POU3F3: variants seen among roughly 807,000 people sequenced by gnomAD.
The protein encoded by POU3F3 is POU domain, class 3, transcription factor 3.
A neutral mutation model predicts 8.6 loss-of-function variants in POU3F3; 1 was observed. The observed-to-expected ratio is 0.12, with a 90% CI of 0.04 to 0.55. POU3F3 has a LOEUF of 0.55. Ranked by LOEUF, POU3F3 falls within the 20% of genes least tolerant of loss-of-function variation. The pLI is 0.91. For synonymous variants in POU3F3, 418 were observed against 327.4 expected (o/e 1.28, Z -2.99); for missense variants, 577 against 690.7 (o/e 0.84, Z 1.84).
chr2:104,892,823 A>G, the POU3F3 span, among the ~76,000 whole-genome samples: 2 of 151,958 alleles, frequency 1.3e-5, no homozygotes, highest in African/African-American at 2.4e-5. Flanking sequence ...TCAGCCTCCC[A>G]AAGTGCTGGG....
chr2:104,891,056 A>G, the POU3F3 span, among the ~76,000 whole-genome samples: 1 of 152,034 alleles, frequency 6.6e-6, no homozygotes, highest in Non-Finnish European at 1.5e-5. Context: ...GAGGCTTCCT[A>G]TCTGTAAGCT....
At chr2:104,882,601 G>A in the POU3F3 span, among the ~76,000 whole-genome samples, 1 of 152,048 alleles carries the variant, frequency 6.6e-6, no homozygotes, top group Admixed American at 6.6e-5. Context: ...GTTCTATATA[G>A]AGTGGATATT....
At chr2:104,867,908 C>A in the POU3F3 span, 9 of 214,488 alleles carry the variant, frequency 4.2e-5, no homozygotes, top group East Asian at 9.2e-4. The surrounding 1 kb of genome is among the most constrained non-coding windows in gnomAD (Gnocchi z 5.0). Flanking sequence ...GCGCACTCCG[C>A]CCCCGCTGAG....
chr2:104,860,753 T>A (rs12991965), downstream of POU3F3, among the ~76,000 whole-genome samples: 2 of 22,318 alleles, frequency 9.0e-5, no homozygotes, highest in Non-Finnish European at 1.6e-4. Context: ...TTGCTCTGCC[T>A]TTTTTTTTTT....
the POU3F3 span, among the ~76,000 whole-genome samples, chr2:104,912,071 C>A: frequency 3.3e-5 from 5 of 152,158 alleles, no homozygotes; most frequent in African/African-American, 1.2e-4. Flanking sequence ...GCCCGGAGCC[C>A]CACAGGCCGT....
the POU3F3 span, among the ~76,000 whole-genome samples, chr2:104,922,438 G>C: frequency 8.2e-6 from 1 of 122,294 alleles, no homozygotes; most frequent in African/African-American, 3.0e-5. Flanking sequence ...AAAAAGTCAA[G>C]AAAATGATGT....
chr2:104,903,675 G>A, the POU3F3 span, among the ~76,000 whole-genome samples: 17 of 152,196 alleles, frequency 1.1e-4, no homozygotes, highest in African/African-American at 2.2e-4. Flanking sequence ...GCGCCTAAAC[G>A]TTGTCTGGTG....
At chr2:104,907,192 T>G in the POU3F3 span, among the ~76,000 whole-genome samples, 1 of 152,186 alleles carries the variant, frequency 6.6e-6, no homozygotes, top group African/African-American at 2.4e-5. Flanking sequence ...CTTCTCTGCC[T>G]TCCTCTGGCT....
chr2:104,885,242 A>G, the POU3F3 span, among the ~76,000 whole-genome samples: 2 of 152,236 alleles, frequency 1.3e-5, no homozygotes, highest in Non-Finnish European at 2.9e-5. Flanking sequence ...ATATGACTGA[A>G]GAAAGTCTGC....
chr2:104,921,449 A>G, the POU3F3 span, among the ~76,000 whole-genome samples: 1 of 152,338 alleles, frequency 6.6e-6, no homozygotes, highest in Admixed American at 6.5e-5. Context: ...AAGCTTGGAC[A>G]GTAAATTATG....
At position 104,856,317 on chromosome 2, in the gene POU3F3, GCACCAC is replaced by G. The variant is rs762283249; in HGVS notation, c.826_831del (p.His276_His277del). 1.1e-5 allele frequency: 17 copies of G among 1,503,022 alleles called. No homozygotes were observed. Among genetic ancestry groups the G allele is most frequent in the Admixed American group, 4.2e-5 (2 of 47,806 alleles). The allele number at this position is 1,503,022 out of a possible 1,614,324, so 93.1% of individuals were successfully genotyped here. A position where few individuals can be genotyped will look rare whatever the true frequency, so the allele number is the denominator to read the frequency against. On this transcript the variant is annotated inframe_deletion, in exon 1 of 1. Coordinates refer to ENST00000361360, the MANE Select transcript of POU3F3 (RefSeq NM_006236.3). ...GCGGGGACACGCCAGAGCTGGCCGA[GCACCAC>G]CACCACCACCACCACCACGCGCATC...
chr2:104,888,258 C>T, the POU3F3 span, among the ~76,000 whole-genome samples: 5 of 152,304 alleles, frequency 3.3e-5, no homozygotes, highest in East Asian at 3.9e-4. Flanking sequence ...AAAGGGTTAA[C>T]GTTTATTACG....
the POU3F3 span, among the ~76,000 whole-genome samples, chr2:104,899,867 G>A: frequency 6.6e-6 from 1 of 152,184 alleles, no homozygotes; most frequent in East Asian, 1.9e-4. Context: ...AAGGCTCATG[G>A]CATAAGACAG....
chr2:104,896,306 C>A, the POU3F3 span, among the ~76,000 whole-genome samples: 6 of 152,170 alleles, frequency 3.9e-5, no homozygotes, highest in Admixed American at 6.5e-5. Flanking sequence ...AATGATGGCC[C>A]CAGCCACCTG....
the POU3F3 span, among the ~76,000 whole-genome samples, chr2:104,910,337 A>G: frequency 1.0e-3 from 155 of 152,254 alleles, no homozygotes; most frequent in Non-Finnish European, 4.1e-4. Context: ...GACTCAGAAG[A>G]GCAATATATC....
chr2:104,888,189 T>C, the POU3F3 span, among the ~76,000 whole-genome samples: 236 of 152,368 alleles, frequency 1.5e-3, 1 homozygote, highest in East Asian at 0.043. Context: ...CCTTGTTCTG[T>C]GTGTGCGAAA....
chr2:104,922,555 G>C, the POU3F3 span, among the ~76,000 whole-genome samples: 1 of 152,104 alleles, frequency 6.6e-6, no homozygotes, highest in African/African-American at 2.4e-5. Context: ...AGGTAGATTT[G>C]AGCAGGCGGA....
chr2:104,882,796 AC>A, the POU3F3 span, among the ~76,000 whole-genome samples: 1 of 152,206 alleles, frequency 6.6e-6, no homozygotes, highest in East Asian at 1.9e-4. Flanking sequence ...AGAGTTATGT[AC>A]ACCTTCCCAC....
Position 104,857,117 on chromosome 2 carries a change from T to C in POU3F3, c.*104T>C, listed in dbSNP as rs548108972. ...CCGCCGCCGCCGCCGCCGCCGCCGCTGCCGCCGCCGCGCCGACCCTGCACC... is the reference window on the plus strand; with the variant it reads ...CCGCCGCCGCCGCCGCCGCCGCCGCCGCCGCCGCCGCGCCGACCCTGCACC... On this transcript the variant is annotated 3_prime_UTR_variant, in exon 1 of 1. Transcript: ENST00000361360. 8.7e-3 allele frequency: 8,248 copies of C among 952,152 alleles called. 28 individuals are homozygous for C. Among genetic ancestry groups the C allele is most frequent in the Non-Finnish European group, 8.9e-3 (7,189 of 803,462 alleles). 59.0% of individuals were successfully genotyped at this position (952,152 alleles called of 1,614,324 possible).
Sources: gnomAD v4.1 joint callset for allele counts (sites outside exome capture counted in the v4.1 genomes callset) on GRCh38, gnomAD v4.1.1 for gene constraint, Gnocchi (gnomAD v3.1) non-coding constraint, MANE v1.5 for transcripts, NCBI Gene and HGNC (gene_info 2026-07-23, HGNC 2026-07-21) for gene names.